The following TENT5D variants were observed in gnomAD, a reference collection of about 807,000 sequenced individuals.
The protein encoded by TENT5D is terminal nucleotidyltransferase 5D, also known as cancer/testis antigen 112.
For missense variants in TENT5D, 191 were observed against 287.0 expected (o/e 0.67, Z 2.42); for synonymous variants, 103 against 100.6 (o/e 1.02, Z -0.15).
At chrX:80,415,820 G>A (rs1307407071), upstream of TENT5D, among the ~76,000 whole-genome samples, 1 of 111,866 alleles carries the variant, frequency 8.9e-6, no homozygotes, top group Non-Finnish European at 1.9e-5. Flanking sequence ...GAATGAGTTA[G>A]GGAACAGCAC....
chrX:80,345,377 C>G (rs1471717987), intron 3 of TENT5D, among the ~76,000 whole-genome samples: 1 of 111,653 alleles, frequency 9.0e-6, no homozygotes, highest in East Asian at 2.8e-4. Context: ...CTAAGGGGAT[C>G]TTGAAAGATC....
chrX:80,442,409 A>T, intron 2 of TENT5D, 113 bp from the exon 3 acceptor site: 2 of 467,030 alleles, frequency 4.3e-6, no homozygotes, highest in Non-Finnish European at 7.2e-6. Context: ...TTTCCTCCCT[A>T]GTATTATCAT....
At chrX:80,400,893 G>A (rs1445514826) in intron 3 of TENT5D, among the ~76,000 whole-genome samples, 5 of 111,280 alleles carry the variant, frequency 4.5e-5, no homozygotes, top group Non-Finnish European at 9.4e-5. Context: ...TTGGCTGTTT[G>A]GGTTTTATGT....
intron 3 of TENT5D, among the ~76,000 whole-genome samples, chrX:80,387,397 C>T (rs1303921200): frequency 9.0e-6 from 1 of 111,703 alleles, no homozygotes; most frequent in Non-Finnish European, 1.9e-5. Flanking sequence ...TCCAGATATT[C>T]GAAGGAACTT....
intron 3 of TENT5D, among the ~76,000 whole-genome samples, chrX:80,363,735 T>C (rs1930453315): frequency 8.9e-6 from 1 of 112,124 alleles, no homozygotes; most frequent in Non-Finnish European, 1.9e-5. Flanking sequence ...TCTAAAGTTG[T>C]AGTTCATAAA....
At chrX:80,352,441 C>A (rs1394148857) in intron 3 of TENT5D, among the ~76,000 whole-genome samples, 1 of 111,221 alleles carries the variant, frequency 9.0e-6, no homozygotes, top group Non-Finnish European at 1.9e-5. Flanking sequence ...TGCGAACTTG[C>A]AGGCCTTTTT....
At chrX:80,410,904 C>G (rs1931647112) in intron 3 of TENT5D, among the ~76,000 whole-genome samples, 1 of 106,315 alleles carries the variant, frequency 9.4e-6, no homozygotes, top group Admixed American at 1.0e-4. Flanking sequence ...CCATGGAATA[C>G]TATGCAGCCA....
In TENT5D at chrX:80,410,774, A is replaced by T. The variant is rs1433262980; in HGVS notation, c.-141-27836A>T. Among the ~76,000 whole-genome samples, 832 of 109,955 alleles carry T rather than the reference A, an allele frequency of 7.6e-3. 8 individuals are homozygous for T. Among genetic ancestry groups the T allele is most frequent in the African/African-American group, 0.025 (763 of 30,121 alleles). ...TACCCAAAGGGCTATAAATCTTGCT[A>T]CTATAAAGACACATGCACACGTATG... On this transcript the variant is annotated intron_variant, in intron 3 of 4. Coordinates refer to the TENT5D transcript ENST00000538312.
At chrX:80,377,136 G>A (rs767123513) in intron 3 of TENT5D, among the ~76,000 whole-genome samples, 5 of 111,251 alleles carry the variant, frequency 4.5e-5, no homozygotes, top group Middle Eastern at 4.7e-3. Context: ...CAAATAATTG[G>A]CAATGATTTT....
At chrX:80,438,054 T>G (rs1363093883) in intron 1 of TENT5D, among the ~76,000 whole-genome samples, 2 of 111,414 alleles carry the variant, frequency 1.8e-5, no homozygotes, top group Admixed American at 9.6e-5. Context: ...AGCATTCACT[T>G]TGATTAGAAT....
chrX:80,360,691 A>G (rs1208203889), intron 3 of TENT5D, among the ~76,000 whole-genome samples: 1 of 111,982 alleles, frequency 8.9e-6, no homozygotes, highest in East Asian at 2.8e-4. Context: ...GTCTCCAGAG[A>G]GGTTACAGAA....
At chrX:80,359,475 A>G (rs1245169414) in intron 3 of TENT5D, among the ~76,000 whole-genome samples, 1 of 111,923 alleles carries the variant, frequency 8.9e-6, no homozygotes, top group Admixed American at 9.5e-5. Context: ...CAACCATAAA[A>G]AAGAATGAGT....
intron 1 of TENT5D, among the ~76,000 whole-genome samples, chrX:80,426,948 C>T (rs1305224882): frequency 2.7e-5 from 3 of 111,174 alleles, no homozygotes; most frequent in Non-Finnish European, 5.7e-5. Flanking sequence ...GTGAATGAGT[C>T]TCACGAGATC....
chrX:80,378,592 T>C (rs1288478056), intron 3 of TENT5D, among the ~76,000 whole-genome samples: 3 of 111,172 alleles, frequency 2.7e-5, no homozygotes, highest in Admixed American at 1.9e-4. Context: ...TGGCTGTAGA[T>C]GTCTGGTGTT....
intron 3 of TENT5D, among the ~76,000 whole-genome samples, chrX:80,366,299 T>G (rs1930510599): frequency 9.1e-6 from 1 of 109,822 alleles, no homozygotes; most frequent in African/African-American, 3.3e-5. Context: ...AATTATTTAA[T>G]GAAGTAAGCA....
intron 2 of TENT5D, among the ~76,000 whole-genome samples, chrX:80,341,849 C>T (rs753496468): frequency 0.025 from 2,615 of 105,376 alleles, 99 homozygotes; most frequent in African/African-American, 0.086. Flanking sequence ...GTAGCTGGGA[C>T]TACAGGCGCC....
chrX:80,399,617 G>T (rs1931353514), intron 3 of TENT5D, among the ~76,000 whole-genome samples: 1 of 111,446 alleles, frequency 9.0e-6, no homozygotes, highest in African/African-American at 3.3e-5. Flanking sequence ...CAGTAAAAAA[G>T]AATTTTAAAA....
At chrX:80,419,983 G>A (rs753904438), upstream of TENT5D, among the ~76,000 whole-genome samples, 7 of 111,925 alleles carry the variant, frequency 6.3e-5, no homozygotes, top group South Asian at 2.2e-3. Flanking sequence ...CCAAATTGCT[G>A]GGATTACAGG....
chrX:80,377,582 T>C (rs1452103615), intron 3 of TENT5D, among the ~76,000 whole-genome samples: 1 of 112,075 alleles, frequency 8.9e-6, no homozygotes, highest in Non-Finnish European at 1.9e-5. Flanking sequence ...TTCTTATGGC[T>C]GCATAGTGTT....
Sources: allele counts gnomAD v4.1 joint callset (sites outside exome capture counted in the v4.1 genomes callset), GRCh38; gene constraint gnomAD v4.1.1; transcripts MANE v1.5; gene names NCBI Gene and HGNC (gene_info 2026-07-23, HGNC 2026-07-21).